Variants in BMPR1A observed in about 807,000 individuals in gnomAD.
BMPR1A encodes the protein bone morphogenetic protein receptor type 1A, also known as bone morphogenetic protein receptor type-1A.
In BMPR1A, 7 loss-of-function variants were observed where a neutral mutation model predicts 66.0. The observed-to-expected ratio is 0.11, with a 90% CI of 0.06 to 0.20. The LOEUF is 0.20. Among genes scored for constraint, BMPR1A ranks in the 10% least tolerant of loss-of-function variants. BMPR1A has a pLI of 1.00. For missense variants in BMPR1A, 408 were observed against 669.1 expected, an observed-to-expected ratio of 0.61 and a Z score of 4.31; for synonymous variants, 200 against 229.7, an observed-to-expected ratio of 0.87 and a Z score of 1.17.
At chr10:86,894,034 A>G (rs1843192863) in intron 5 of BMPR1A, among the ~76,000 whole-genome samples, 1 of 152,226 alleles carries the variant, frequency 6.6e-6, no homozygotes, top group South Asian at 2.1e-4. Flanking sequence ...AATGACCTCA[A>G]CTGCTCCTTA....
intron 1 of BMPR1A, among the ~76,000 whole-genome samples, chr10:86,760,890 A>G (rs1040321566): frequency 7.2e-5 from 11 of 152,228 alleles, no homozygotes; most frequent in Admixed American, 2.0e-4. Flanking sequence ...GTTGACTTGC[A>G]TTGAGTTATG....
intron 2 of BMPR1A, among the ~76,000 whole-genome samples, chr10:86,851,792 G>T (rs898105980): frequency 3.9e-5 from 6 of 152,224 alleles, no homozygotes; most frequent in African/African-American, 1.4e-4. Context: ...CATCGTAAGG[G>T]TATGGAGGAG....
intron 1 of BMPR1A, among the ~76,000 whole-genome samples, chr10:86,799,618 C>A (rs1409546017): frequency 1.3e-5 from 2 of 151,338 alleles, no homozygotes; most frequent in African/African-American, 4.9e-5. Flanking sequence ...GTGGTGTGAT[C>A]TTGGATCACT....
chr10:86,855,797 C>T, intron 2 of BMPR1A: 1 of 1,143,066 alleles, frequency 8.7e-7, no homozygotes, highest in Middle Eastern at 2.3e-4. Flanking sequence ...TGAATTTGGT[C>T]TGTTTCCTGG....
At chr10:86,853,161 A>G (rs1016693829) in intron 2 of BMPR1A, among the ~76,000 whole-genome samples, 3 of 152,148 alleles carry the variant, frequency 2.0e-5, no homozygotes, top group Admixed American at 6.5e-5. Context: ...AATTATAACA[A>G]TGAAAATTGA....
chr10:86,855,623 A>G, intron 2 of BMPR1A: 1 of 644,264 alleles, frequency 1.6e-6, no homozygotes, highest in East Asian at 2.6e-5. Context: ...TACTTTCTGT[A>G]AAGGAAGTTC....
intron 1 of BMPR1A, among the ~76,000 whole-genome samples, chr10:86,793,852 G>C (rs531644289): frequency 1.3e-5 from 2 of 152,250 alleles, no homozygotes; most frequent in South Asian, 4.1e-4. Flanking sequence ...TGTTCCTTTC[G>C]GGAAGTTCTA....
chr10:86,831,722 C>A (rs1325719137), intron 1 of BMPR1A, among the ~76,000 whole-genome samples: 1 of 152,188 alleles, frequency 6.6e-6, no homozygotes, highest in Non-Finnish European at 1.5e-5. Context: ...TAGGATTACA[C>A]CACTGCACTC....
intron 2 of BMPR1A, among the ~76,000 whole-genome samples, chr10:86,864,838 C>CT (rs1430071098): frequency 6.6e-6 from 1 of 152,102 alleles, no homozygotes; most frequent in African/African-American, 2.4e-5. Flanking sequence ...AATGTTTCTT[C>CT]TAACAATCCC....
At chr10:86,871,550 G>A (rs1421439698) in intron 2 of BMPR1A, among the ~76,000 whole-genome samples, 2 of 152,162 alleles carry the variant, frequency 1.3e-5, no homozygotes, top group Non-Finnish European at 1.5e-5. Context: ...GGTGGCTCAC[G>A]CCTGTAATCC....
intron 1 of BMPR1A, among the ~76,000 whole-genome samples, chr10:86,802,760 G>A: frequency 6.6e-6 from 1 of 151,616 alleles, no homozygotes; most frequent in East Asian, 1.9e-4. Context: ...CTGAATTTTA[G>A]ATAATTTCTT....
intron 1 of BMPR1A, among the ~76,000 whole-genome samples, chr10:86,833,073 G>T (rs1842294938): frequency 6.6e-6 from 1 of 152,106 alleles, no homozygotes; most frequent in South Asian, 2.1e-4. Context: ...TTGGGCTACT[G>T]CACTCTAGCC....
At chr10:86,813,486 C>A (rs1841996705) in intron 1 of BMPR1A, among the ~76,000 whole-genome samples, 4 of 152,140 alleles carry the variant, frequency 2.6e-5, no homozygotes, top group Admixed American at 2.6e-4. Context: ...AGGTACTACC[C>A]TCGGAATCCT....
intron 8 of BMPR1A, among the ~76,000 whole-genome samples, chr10:86,916,500 TTTGC>T (rs1250316623): frequency 1.3e-5 from 2 of 152,210 alleles, no homozygotes; most frequent in Non-Finnish European, 2.9e-5. Flanking sequence ...TTGTCAGGTC[TTTGC>T]TTGCATCACG....
chr10:86,871,572 G>T (rs1001339580), intron 2 of BMPR1A, among the ~76,000 whole-genome samples: 1 of 152,184 alleles, frequency 6.6e-6, no homozygotes, highest in Non-Finnish European at 1.5e-5. Flanking sequence ...AACACTTTGG[G>T]AGGTTTAGGC....
intron 1 of BMPR1A, among the ~76,000 whole-genome samples, chr10:86,759,416 GTTTT>G (rs1589701630): frequency 6.6e-6 from 1 of 152,154 alleles, no homozygotes; most frequent in East Asian, 1.9e-4. Flanking sequence ...TTGTTTGTTT[GTTTT>G]GTTTTTTCTT....
chr10:86,762,921 G>T (rs1841091801), intron 1 of BMPR1A, among the ~76,000 whole-genome samples: 1 of 152,018 alleles, frequency 6.6e-6, no homozygotes, highest in African/African-American at 2.4e-5. Context: ...ATTTGAGACG[G>T]AGTCTCACTC....
chr10:86,765,152 C>T (rs987279231), intron 1 of BMPR1A, among the ~76,000 whole-genome samples: 1 of 152,116 alleles, frequency 6.6e-6, no homozygotes, highest in Admixed American at 6.5e-5. Flanking sequence ...CTTTGACTTT[C>T]CTTTCCCTGG....
chr10:86,813,893 A>T (rs921750398), intron 1 of BMPR1A, among the ~76,000 whole-genome samples: 1 of 152,128 alleles, frequency 6.6e-6, no homozygotes, highest in African/African-American at 2.4e-5. Context: ...GAGTTTTTGT[A>T]TGTTGATAAT....
Sources: gnomAD v4.1 joint callset for allele counts (sites outside exome capture counted in the v4.1 genomes callset) on GRCh38, gnomAD v4.1.1 for gene constraint, MANE v1.5 for transcripts, NCBI Gene and HGNC (gene_info 2026-07-23, HGNC 2026-07-21) for gene names.